LENG8: variants seen among roughly 807,000 people sequenced by gnomAD.
LENG8 encodes the protein leukocyte receptor cluster member 8.
A neutral mutation model predicts 102.1 loss-of-function variants in LENG8; 28 were observed. That is an observed-to-expected ratio of 0.27 (90% CI 0.20 to 0.38). LENG8 has a LOEUF of 0.38. Ranked by LOEUF, LENG8 falls within the 10% of genes least tolerant of loss-of-function variation. LENG8 has a pLI of 1.00. For missense variants in LENG8, 1,022 were observed against 1,113.9 expected, an observed-to-expected ratio of 0.92 and a Z score of 1.17; for synonymous variants, 531 against 456.7, an observed-to-expected ratio of 1.16 and a Z score of -2.07.
At chr19:54,451,490 A>G in intron 2 of LENG8, 108 bp downstream of exon 2, 3 of 1,122,804 alleles carry the variant, frequency 2.7e-6, no homozygotes, top group Non-Finnish European at 4.1e-6. Flanking sequence ...AGGTGATGCC[A>G]CAATCCCTGT....
rs143044339 is a variant in LENG8 at position 54,456,321 on chromosome 19, G to A, written c.1305-4G>A. The A allele has an allele frequency of 1.1e-3, 1,759 of 1,614,066 alleles. 16 individuals are homozygous for A. The African/African-American group carries it at 0.02, about 18-fold the overall frequency. On this transcript the variant is annotated splice_region_variant and splice_polypyrimidine_tract_variant and intron_variant, in intron 9 of 15. Transcript: ENST00000326764. Reference sequence around the variant, plus strand: ...AGGCCTGACCCTCCTGCTTCTTCCTGCAGTGACTCCCACTCAGACTCCGAC... The same window carrying A: ...AGGCCTGACCCTCCTGCTTCTTCCTACAGTGACTCCCACTCAGACTCCGAC...
intron 1 of LENG8, 106 bp downstream of exon 1, chr19:54,449,416 C>G (rs1318183123): frequency 6.6e-6 from 1 of 152,154 alleles, no homozygotes; most frequent in Non-Finnish European, 1.5e-5. Context: ...GCAGACGCCG[C>G]GCGCGAGCGT....
Position 54,461,940 on chromosome 19 carries a change from C to T in LENG8, c.*1012C>T. 1.0e-6 allele frequency: 1 copy of T among 1,001,054 alleles called. No homozygotes were observed. The highest frequency in any genetic ancestry group is 1.6e-6 in the Non-Finnish European group (1 of 626,740). 62.0% of individuals were successfully genotyped at this position (1,001,054 alleles called of 1,614,324 possible). ...CCCTCCTCTCCCCTCCTTTTCCTTC[C>T]TTCCTTCCTTTCCTTGGAGCACTGA... On this transcript the variant is annotated 3_prime_UTR_variant, in exon 16 of 16. Transcript: ENST00000326764.
chr19:54,460,636 G>A (rs1309669063), intron 15 of LENG8, 130 bp from the exon 16 acceptor site: 3 of 1,435,738 alleles, frequency 2.1e-6, no homozygotes, highest in Non-Finnish European at 2.7e-6. Context: ...TGGGAGGCGG[G>A]TGGGGAGCCA....
chr19:54,457,818 G>A lies in LENG8; in HGVS notation c.1803G>A (p.Glu601=). The change falls in exon 12 of 16, where the codon GAG becomes GAA. Residue 601 remains glutamate (E), a synonymous_variant. Coordinates refer to ENST00000326764, the MANE Select transcript of LENG8 (RefSeq NM_052925.4). ...KEKQDYAFAC[E]QMKSIRQDLT... ...AGCAGGACTACGCGTTTGCCTGCGA[G>A]CAGATGAAGTCGATCCGGCAGGATC... 1 of 1,614,190 alleles carries A rather than the reference G, an allele frequency of 6.2e-7. No homozygotes were observed. The highest frequency in any genetic ancestry group is 1.1e-5 in the South Asian group (1 of 91,086).
In LENG8 at chr19:54,461,321, C is replaced by T. The variant is rs566785102; in HGVS notation, c.*393C>T. 3,049 of 460,110 alleles carry T rather than the reference C, an allele frequency of 6.6e-3. 24 individuals carry two copies. The highest frequency in any genetic ancestry group is 0.01 in the Non-Finnish European group (2,387 of 232,086). 28.5% of individuals were successfully genotyped at this position (460,110 alleles called of 1,614,324 possible). A position where few individuals can be genotyped will look rare whatever the true frequency, so the allele number is the denominator to read the frequency against. On this transcript the variant is annotated 3_prime_UTR_variant, in exon 16 of 16. Coordinates refer to ENST00000326764, the MANE Select transcript of LENG8 (RefSeq NM_052925.4). Reference sequence around the variant, plus strand: ...GGGGGCCAGTGGAAAGAAGACAGGCCGTCCAGCCCGTGCCCGCCTGCGGCG... The same window carrying T: ...GGGGGCCAGTGGAAAGAAGACAGGCTGTCCAGCCCGTGCCCGCCTGCGGCG...
In LENG8 at chr19:54,455,595, G is replaced by A. The variant is rs1357168326; in HGVS notation, c.1025+28G>A. On this transcript the variant is annotated intron_variant, in intron 8 of 15. Transcript: ENST00000326764. ...TAGTCTGGGTGGGGGACATAGGTGG[G>A]AGGGTGGTGCTGTGAGAGGCATGGG... The A allele has an allele frequency of 3.2e-6, 5 of 1,584,188 alleles. No homozygotes were observed. In the East Asian group the frequency reaches 9.1e-5, roughly 29 times the overall value.
chr19:54,456,586 AGGG>A (rs769677239), intron 10 of LENG8, 47 bp from the exon 11 acceptor site: 5 of 1,561,780 alleles, frequency 3.2e-6, no homozygotes, highest in African/African-American at 1.4e-5. Context: ...GCGAGGCTGA[AGGG>A]GGGCTGGAGA....
At chr19:54,460,719 G>GGGCCCCCCCCCCC in intron 15 of LENG8, 47 bp from the exon 16 acceptor site, 13 of 778,918 alleles carry the variant, frequency 1.7e-5, no homozygotes, top group Non-Finnish European at 2.3e-5. Flanking sequence ...GCCCTCCCCT[G>GGGCCCCCCCCCCC]CCCTCCCGCC....
chr19:54,460,903 G>C lies in LENG8; in HGVS notation c.2378G>C (p.Ser793Thr), dbSNP rs778707713. ...PDNSSIDCRL[S>T]LAQLSAF is the part of the protein sequence containing the mutation. ...AACTCCAGCATCGACTGCCGCCTCAGCCTGGCGCAGCTGTCAGCCTTCTGA... is the reference window on the plus strand; with the variant it reads ...AACTCCAGCATCGACTGCCGCCTCACCCTGGCGCAGCTGTCAGCCTTCTGA... Residue 793 changes from serine (S) to threonine (T), a missense_variant, in exon 16 of 16, where the codon AGC becomes ACC. Physicochemically the swap from Ser to Thr is moderately conservative, Grantham distance 58. Coordinates refer to ENST00000326764, the MANE Select transcript of LENG8 (RefSeq NM_052925.4). 9.0e-6 allele frequency: 14 copies of C among 1,550,754 alleles called. No individual in the cohort carries two copies. Among genetic ancestry groups the C allele is most frequent in the Non-Finnish European group, 1.1e-5 (13 of 1,149,560 alleles).
Position 54,457,920 on chromosome 19 carries a change from C to G in LENG8, c.1834-14C>G. 1 of 1,613,960 alleles carries G rather than the reference C, an allele frequency of 6.2e-7. No homozygotes were observed. On this transcript the variant is annotated splice_polypyrimidine_tract_variant and intron_variant, in intron 12 of 15. Coordinates refer to ENST00000326764, the MANE Select transcript of LENG8 (RefSeq NM_052925.4). Reference sequence around the variant, plus strand: ...CCGCTCCTTGTGACTCTTGTTCTCGCCCCGCTGCCCCAGGTGCAGGGCATC... The same window carrying G: ...CCGCTCCTTGTGACTCTTGTTCTCGGCCCGCTGCCCCAGGTGCAGGGCATC...
chr19:54,453,590 C>T lies in LENG8; in HGVS notation c.360C>T (p.Ala120=), dbSNP rs766927387. 6.2e-6 allele frequency: 10 copies of T among 1,614,004 alleles called. No individual in the cohort carries two copies. The highest frequency in any genetic ancestry group is 2.2e-5 in the East Asian group (1 of 44,864). Residue 120 remains alanine (A), a synonymous_variant, in exon 5 of 16, where the codon GCC becomes GCT. Transcript: ENST00000326764. ...SYGSPSQYGM[A]GSYGSATPQQ... ...GCTCCCCTTCCCAGTATGGGATGGC[C>T]GGCTCCTATGGCTCAGCCACACCCC... is the stretch of plus-strand genomic sequence containing the variant.
Position 54,461,101 on chromosome 19 carries a change from TC to T in LENG8, c.*174del. ...ACCGGGGAGTCTGTACAGAGATTTTTCTACGTTTTTATTTTTTGCCTCAGAG... is the reference window on the plus strand; with the variant it reads ...ACCGGGGAGTCTGTACAGAGATTTTTTACGTTTTTATTTTTTGCCTCAGAG... On this transcript the variant is annotated 3_prime_UTR_variant, in exon 16 of 16. Transcript: ENST00000326764. 2.0e-6 allele frequency: 2 copies of T among 1,019,956 alleles called. No homozygotes were observed. The highest frequency in any genetic ancestry group is 2.8e-5 in the South Asian group (2 of 70,918). The allele number at this position is 1,019,956 out of a possible 1,614,324, so 63.2% of individuals were successfully genotyped here. A position where few individuals can be genotyped will look rare whatever the true frequency, so the allele number is the denominator to read the frequency against.
chr19:54,456,774 C>T lies in LENG8; in HGVS notation c.1584C>T (p.Pro528=), dbSNP rs1249924528. 6.8e-6 allele frequency: 11 copies of T among 1,611,816 alleles called. No individual in the cohort carries two copies. The highest frequency in any genetic ancestry group is 2.7e-5 in the African/African-American group (2 of 74,920). Residue 528 remains proline (P), a synonymous_variant, in exon 11 of 16, where the codon CCC becomes CCT. Coordinates refer to ENST00000326764, the MANE Select transcript of LENG8 (RefSeq NM_052925.4). ...ACTCCCGCCGCCTGCGCCTCGAGCC[C>T]CTGGTGCTGCAGATGAGCAGCCTGG... ...HGHSRRLRLE[P]LVLQMSSLES...
Position 54,451,367 on chromosome 19 carries a change from A to G in LENG8, c.23A>G (p.Gln8Arg). 1.2e-6 allele frequency: 2 copies of G among 1,614,192 alleles called. No homozygotes were observed. The highest frequency in any genetic ancestry group is 1.7e-6 in the Non-Finnish European group (2 of 1,180,024). The change falls in exon 2 of 16, where the codon CAA (glutamine) becomes CGA (arginine). Residue 8 changes from glutamine (Q) to arginine (R), a missense_variant. By Grantham distance (43) the Gln-to-Arg change is conservative. Coordinates refer to ENST00000326764, the MANE Select transcript of LENG8 (RefSeq NM_052925.4). ...CAGATGGCGGCCAACGTGGGTGATC[A>G]ACGTAGCACAGATTGGTTAGTGAGG... Reference protein sequence around the residue: MAANVGDQRSTDWSSQYS... With the variant: MAANVGDRRSTDWSSQYS...
Position 54,461,158 on chromosome 19 carries a change from C to T in LENG8, c.*230C>T, listed in dbSNP as rs547800274. 36 of 713,922 alleles carry T rather than the reference C, an allele frequency of 5.0e-5. 1 individual carries two copies. Among genetic ancestry groups the T allele is most frequent in the African/African-American group, 1.2e-4 (7 of 57,290 alleles). The allele number at this position is 713,922 out of a possible 1,614,324, so 44.2% of individuals were successfully genotyped here. A position where few individuals can be genotyped will look rare whatever the true frequency, so the allele number is the denominator to read the frequency against. On this transcript the variant is annotated 3_prime_UTR_variant, in exon 16 of 16. Transcript: ENST00000326764. Reference sequence around the variant, plus strand: ...GGATTGGGGAGGAGGGGATGGGCAGCGGAGGGTTGGGGGCATGGTCTGCAG... The same window carrying T: ...GGATTGGGGAGGAGGGGATGGGCAGTGGAGGGTTGGGGGCATGGTCTGCAG...
rs1599996041 is a variant in LENG8 at position 54,457,681 on chromosome 19, A to T, written c.1732-66A>T. ...TAATGTTGCAACTCTCCCACCAAAT[A>T]AGTGGAAGCCGTTGGCCACGCTACC... On this transcript the variant is annotated intron_variant, in intron 11 of 15. Transcript: ENST00000326764. 17 of 1,120,110 alleles carry T rather than the reference A, an allele frequency of 1.5e-5. No homozygotes were observed. In the East Asian group the frequency reaches 4.0e-4, roughly 26 times the overall value. The allele number at this position is 1,120,110 out of a possible 1,614,324, so 69.4% of individuals were successfully genotyped here. A position where few individuals can be genotyped will look rare whatever the true frequency, so the allele number is the denominator to read the frequency against.
intron 1 of LENG8, 77 bp from the exon 2 acceptor site, chr19:54,451,213 A>C: frequency 3.2e-6 from 3 of 929,658 alleles, no homozygotes; most frequent in Non-Finnish European, 3.5e-6. Context: ...TCTTGAGTCC[A>C]TCTACTTTTC....
At chr19:54,450,241 G>A (rs1193945495) in intron 1 of LENG8, among the ~76,000 whole-genome samples, 1 of 152,160 alleles carries the variant, frequency 6.6e-6, no homozygotes, top group African/African-American at 2.4e-5. Context: ...GGAACCTCCC[G>A]TGGAAGCAGG....
Sources: allele counts gnomAD v4.1 joint callset (sites outside exome capture counted in the v4.1 genomes callset), GRCh38; gene constraint gnomAD v4.1.1; transcripts MANE v1.5; gene names NCBI Gene and HGNC (gene_info 2026-07-23, HGNC 2026-07-21).